The following RSF1 variants were observed in gnomAD, a reference collection of about 807,000 sequenced individuals.
The protein encoded by RSF1 is HBV pX-associated protein 8.
In RSF1, 13 loss-of-function variants were observed where a neutral mutation model predicts 145.2. The ratio of observed to expected loss-of-function variants is 0.09; its 90% CI spans 0.06 to 0.14. The LOEUF (loss-of-function observed/expected upper bound fraction) is 0.14, where lower values mean the gene tolerates loss of function less well. RSF1 is among the 10% of genes least tolerant of loss of function. The pLI, the probability that RSF1 is intolerant of heterozygous loss-of-function variation, is 1.00. For missense variants in RSF1, 1,517 were observed against 1,718.2 expected (o/e 0.88, Z 2.07); for synonymous variants, 577 against 592.6 (o/e 0.97, Z 0.38).
At chr11:77,821,177 G>A (rs988186677), upstream of RSF1, 3 of 367,564 alleles carry the variant, frequency 8.2e-6, no homozygotes, top group African/African-American at 6.3e-5. Context: ...GCAGCGCTGG[G>A]AGCGTAAGTG....
intron 5 of RSF1, 153 bp from the exon 6 acceptor site, chr11:77,702,648 C>T (rs1053626585): frequency 5.5e-5 from 25 of 455,450 alleles, no homozygotes; most frequent in African/African-American, 5.1e-4. Context: ...TAAAATCTGA[C>T]AATGAAGAAA....
chr11:77,678,591 T>G (rs970545824), intron 11 of RSF1, among the ~76,000 whole-genome samples: 2 of 152,182 alleles, frequency 1.3e-5, no homozygotes, highest in Non-Finnish European at 2.9e-5. Context: ...AATCCCCATG[T>G]TGAAATATTA....
chr11:77,821,204 C>G, upstream of RSF1: 1 of 315,166 alleles, frequency 3.2e-6, no homozygotes, highest in South Asian at 1.2e-4. Context: ...GAGCACTGCG[C>G]CGTTTGGGAA....
At chr11:77,674,996 T>A (rs1565144368) in intron 14 of RSF1, 40 bp downstream of exon 14, 3 of 1,493,418 alleles carry the variant, frequency 2.0e-6, no homozygotes, top group Non-Finnish European at 2.7e-6. Flanking sequence ...AAACAAAAAA[T>A]AATTTATTGA....
intron 5 of RSF1, among the ~76,000 whole-genome samples, chr11:77,703,778 TA>T (rs1045092256): frequency 3.3e-5 from 5 of 149,398 alleles, no homozygotes; most frequent in South Asian, 2.1e-4. Flanking sequence ...GAGATGAGAG[TA>T]AAAAAAAATT....
rs751774400 is a variant in RSF1 at position 77,701,437 on chromosome 11, T to C, written c.1792A>G (p.Lys598Glu). 4.3e-6 allele frequency: 7 copies of C among 1,614,186 alleles called. No homozygotes were observed. The South Asian group carries it at 7.7e-5, about 18-fold the overall frequency. Residue 598 changes from lysine (K) to glutamate (E), a missense_variant, in exon 6 of 16, where the codon AAG (lysine) becomes GAG (glutamate). Lys to Glu is a moderately conservative substitution (Grantham distance 56). Transcript: ENST00000308488. ...ATTGGACTCAATCTTTGTGCGTCCT[T>C]ATCAAGAAAAGTCTTTTTGGACTTC... is the stretch of plus-strand genomic sequence containing the variant. ...LEKSKKTFLD[K>E]DAQRLSPIPE...
chr11:77,698,955 C>T (rs1343066929), intron 6 of RSF1, among the ~76,000 whole-genome samples: 4 of 152,166 alleles, frequency 2.6e-5, no homozygotes, highest in Non-Finnish European at 4.4e-5. Flanking sequence ...GTCACATTCT[C>T]CTAACATTAC....
Position 77,667,709 on chromosome 11 carries a change from C to CT in RSF1, c.3752-219dup, listed in dbSNP as rs200716808. Among the ~76,000 whole-genome samples, 281 of 150,974 alleles carry CT rather than the reference C, an allele frequency of 1.9e-3. 2 individuals carry two copies. The highest frequency in any genetic ancestry group is 6.4e-3 in the African/African-American group (263 of 41,236). On this transcript the variant is annotated intron_variant, in intron 15 of 15. Coordinates refer to ENST00000308488, the MANE Select transcript of RSF1 (RefSeq NM_016578.4). ...TATTTATGATTTTAGACAATATTTT[C>CT]TTTTTTTTTATTGAGACAGAGTCTC...
In RSF1 at chr11:77,700,893, G is replaced by A; in HGVS notation, c.2336C>T (p.Pro779Leu). ...TNVGRTLRRS[P>L]RISRPTAKVA... ...TTTTGCAGTGGGTCTAGATATTCTT[G>A]GAGATCTTCTTAAAGTACGACCCAC... is the stretch of plus-strand genomic sequence containing the variant. The change falls in exon 6 of 16, where the codon CCA becomes CTA. Residue 779 changes from proline (P) to leucine (L), a missense_variant. Pro to Leu is a moderately conservative substitution (Grantham distance 98). Coordinates refer to ENST00000308488, the MANE Select transcript of RSF1 (RefSeq NM_016578.4). The A allele has an allele frequency of 6.2e-7, 1 of 1,613,518 alleles. No homozygotes were observed. Among genetic ancestry groups the A allele is most frequent in the Non-Finnish European group, 8.5e-7 (1 of 1,179,946 alleles).
chr11:77,672,438 C>T (rs775469114), intron 14 of RSF1, among the ~76,000 whole-genome samples: 11 of 147,702 alleles, frequency 7.4e-5, no homozygotes, highest in Non-Finnish European at 1.5e-4. Flanking sequence ...CTCACTACAG[C>T]CTCAACCTCC....
At chr11:77,725,519 G>A (rs1359516362) in intron 5 of RSF1, 26 bp downstream of exon 5, 9 of 1,504,830 alleles carry the variant, frequency 6.0e-6, no homozygotes, top group South Asian at 1.3e-5. Context: ...ACAAAACAAA[G>A]CAAAACAAAA....
chr11:77,749,788 G>A (rs1212540423), intron 2 of RSF1, among the ~76,000 whole-genome samples: 3 of 151,904 alleles, frequency 2.0e-5, no homozygotes, highest in East Asian at 1.9e-4. Flanking sequence ...TCACTCTGTC[G>A]CCCAGGCTGG....
chr11:77,796,190 TG>T (rs1948570937), intron 1 of RSF1, among the ~76,000 whole-genome samples: 1 of 152,104 alleles, frequency 6.6e-6, no homozygotes, highest in African/African-American at 2.4e-5. Flanking sequence ...TAGCAAAACC[TG>T]GCAGAGACAC....
chr11:77,796,669 C>A (rs1948575354), intron 1 of RSF1, among the ~76,000 whole-genome samples: 1 of 152,090 alleles, frequency 6.6e-6, no homozygotes, highest in Non-Finnish European at 1.5e-5. Context: ...GGCAATCAGG[C>A]AACAGAAAGA....
At chr11:77,817,666 A>G (rs1285120163) in intron 1 of RSF1, among the ~76,000 whole-genome samples, 1 of 152,216 alleles carries the variant, frequency 6.6e-6, no homozygotes, top group Non-Finnish European at 1.5e-5. Flanking sequence ...ACCATTAACT[A>G]TAGACTCTTA....
chr11:77,724,077 G>C (rs919409397), intron 5 of RSF1, among the ~76,000 whole-genome samples: 1 of 151,872 alleles, frequency 6.6e-6, no homozygotes, highest in African/African-American at 2.4e-5. Context: ...ACAACCCAAA[G>C]AAAAAATGGA....
At chr11:77,688,626 G>C (rs1044106723) in intron 9 of RSF1, among the ~76,000 whole-genome samples, 2 of 152,074 alleles carry the variant, frequency 1.3e-5, no homozygotes, top group Admixed American at 1.3e-4. Flanking sequence ...GTAGTTTATG[G>C]AAATAACCCA....
chr11:77,679,256 G>A (rs866424169), intron 11 of RSF1, among the ~76,000 whole-genome samples: 15 of 152,194 alleles, frequency 9.9e-5, no homozygotes, highest in African/African-American at 3.4e-4. Flanking sequence ...TTGAGGTCAC[G>A]TTGTACAAAA....
Position 77,683,707 on chromosome 11 carries a change from T to C in RSF1, c.3065+3A>G. The C allele has an allele frequency of 1.3e-6, 2 of 1,597,112 alleles. No homozygotes were observed. The highest frequency in any genetic ancestry group is 1.7e-6 in the Non-Finnish European group (2 of 1,165,482). On this transcript the variant is annotated splice_donor_region_variant and intron_variant, in intron 11 of 15. Transcript: ENST00000308488. ...GCTGTAGACATTTCCATACACTTCA[T>C]ACCTGTAGCTTATACATTTCCTTGT...
Sources: allele counts gnomAD v4.1 joint callset (sites outside exome capture counted in the v4.1 genomes callset), GRCh38; gene constraint gnomAD v4.1.1; transcripts MANE v1.5; gene names NCBI Gene and HGNC (gene_info 2026-07-23, HGNC 2026-07-21).